Variants in MECOM observed in about 807,000 individuals in gnomAD.
The protein encoded by MECOM is MDS1 and EVI1 complex locus, also known as histone-lysine N-methyltransferase MECOM.
A neutral mutation model predicts 116.3 loss-of-function variants in MECOM; 13 were observed. That is an observed-to-expected ratio of 0.11 (90% CI 0.07 to 0.18). MECOM has a LOEUF of 0.18. MECOM is among the 10% of genes least tolerant of loss of function. The pLI, the probability that MECOM is intolerant of heterozygous loss-of-function variation, is 1.00. For synonymous variants in MECOM, 528 were observed against 535.2 expected (o/e 0.99, Z 0.19); for missense variants, 1,299 against 1,509.0 (o/e 0.86, Z 2.31).
At chr3:169,147,659 G>C (rs1740312663) in intron 2 of MECOM, 1 of 984,976 alleles carries the variant, frequency 1.0e-6, no homozygotes. Flanking sequence ...TCGCCAGGCA[G>C]GATTTCTTTC....
chr3:169,130,368 ACT>A (rs1312049686), intron 4 of MECOM, among the ~76,000 whole-genome samples: 1 of 151,980 alleles, frequency 6.6e-6, no homozygotes, highest in African/African-American at 2.4e-5. Flanking sequence ...TCAGGCTCAA[ACT>A]CTACCAGGCT....
chr3:169,535,137 G>A (rs1759194779), intron 1 of MECOM, among the ~76,000 whole-genome samples: 1 of 152,134 alleles, frequency 6.6e-6, no homozygotes, highest in Non-Finnish European at 1.5e-5. Flanking sequence ...GCCGCTGCCA[G>A]CCTGTACCTT....
chr3:169,128,745 C>T (rs1733714695), intron 4 of MECOM, among the ~76,000 whole-genome samples: 1 of 152,118 alleles, frequency 6.6e-6, no homozygotes, highest in Non-Finnish European at 1.5e-5. Flanking sequence ...ATTGTCATAG[C>T]TTTGTTAAAT....
At chr3:169,151,921 A>G (rs1474295566) in intron 2 of MECOM, among the ~76,000 whole-genome samples, 4 of 152,214 alleles carry the variant, frequency 2.6e-5, no homozygotes, top group Non-Finnish European at 5.9e-5. Flanking sequence ...CTTTTTATTT[A>G]ATAGAGTAAA....
intron 1 of MECOM, among the ~76,000 whole-genome samples, chr3:169,608,583 GC>G (rs1326187540): frequency 1.3e-5 from 2 of 152,060 alleles, no homozygotes; most frequent in African/African-American, 4.8e-5. Flanking sequence ...ATGTACCAGT[GC>G]CTGGCAAAAG....
intron 2 of MECOM, among the ~76,000 whole-genome samples, chr3:169,180,344 A>ATAGACACACACAAATACACG (rs1415096947): frequency 2.0e-5 from 3 of 152,172 alleles, no homozygotes; most frequent in African/African-American, 4.8e-5. Context: ...TAATATATAT[A>ATAGACACACACAAATACACG]TAGACACACA....
chr3:169,193,995 T>A (rs1409605501), intron 2 of MECOM, among the ~76,000 whole-genome samples: 1 of 152,030 alleles, frequency 6.6e-6, no homozygotes, highest in Non-Finnish European at 1.5e-5. Context: ...CAAATACTAA[T>A]ACTGTAATGA....
chr3:169,456,137 GA>G (rs992150760), intron 1 of MECOM, among the ~76,000 whole-genome samples: 2 of 151,622 alleles, frequency 1.3e-5, no homozygotes, highest in East Asian at 1.9e-4. Flanking sequence ...ATTCTGGGAA[GA>G]AAAAAAAATT....
chr3:169,263,129 GTT>G (rs1220362498), intron 2 of MECOM, among the ~76,000 whole-genome samples: 14 of 26,286 alleles, frequency 5.3e-4, no homozygotes, highest in African/African-American at 1.8e-3. Context: ...ATATATATAT[GTT>G]TTTTTTTTTT....
At chr3:169,625,695 C>T (rs2109929569) in intron 1 of MECOM, among the ~76,000 whole-genome samples, 1 of 152,314 alleles carries the variant, frequency 6.6e-6, no homozygotes, top group African/African-American at 2.4e-5. Flanking sequence ...TTCCAAAAGA[C>T]TCTAAATGTC....
chr3:169,119,148 A>C (rs187933707), intron 7 of MECOM, among the ~76,000 whole-genome samples: 15 of 152,330 alleles, frequency 9.8e-5, no homozygotes, highest in Non-Finnish European at 2.1e-4. Flanking sequence ...CTTTGGGCTC[A>C]AGCGTGGCAG....
At chr3:169,184,022 A>G (rs780336409) in intron 2 of MECOM, among the ~76,000 whole-genome samples, 8 of 150,366 alleles carry the variant, frequency 5.3e-5, no homozygotes, top group Admixed American at 6.6e-5. Context: ...CCGCCACCAC[A>G]CCCGGCTAAT....
chr3:169,633,880 A>G (rs1221127225), intron 1 of MECOM, among the ~76,000 whole-genome samples: 1 of 146,484 alleles, frequency 6.8e-6, no homozygotes, highest in Non-Finnish European at 1.5e-5. Context: ...AGAAAGAGAG[A>G]GGTAAACAGT....
At chr3:169,278,662 G>A (rs1412340649) in intron 2 of MECOM, among the ~76,000 whole-genome samples, 1 of 152,178 alleles carries the variant, frequency 6.6e-6, no homozygotes. Flanking sequence ...GATAACCAAT[G>A]TACTAGAATG....
intron 1 of MECOM, among the ~76,000 whole-genome samples, chr3:169,482,022 G>A (rs555627695): frequency 2.6e-5 from 4 of 152,230 alleles, no homozygotes; most frequent in African/African-American, 9.6e-5. Context: ...ATAGACTGGA[G>A]GGAATATGCT....
chr3:169,187,076 G>C (rs2149411127), intron 2 of MECOM, among the ~76,000 whole-genome samples: 1 of 152,248 alleles, frequency 6.6e-6, no homozygotes, highest in Admixed American at 6.5e-5. Flanking sequence ...GGTCTTAGAA[G>C]TCTGACTGTA....
intron 1 of MECOM, among the ~76,000 whole-genome samples, chr3:169,659,375 T>C (rs1775952031): frequency 6.8e-6 from 1 of 147,948 alleles, no homozygotes. Context: ...AATGAACCGT[T>C]CCCTTCCACA....
At chr3:169,242,956 A>C (rs948238101) in intron 2 of MECOM, among the ~76,000 whole-genome samples, 13 of 151,704 alleles carry the variant, frequency 8.6e-5, no homozygotes, top group South Asian at 2.1e-4. Context: ...AATTAAATCT[A>C]AATATAGCTC....
intron 2 of MECOM, among the ~76,000 whole-genome samples, chr3:169,226,613 C>T (rs1053878118): frequency 1.2e-4 from 19 of 152,144 alleles, no homozygotes; most frequent in African/African-American, 4.3e-4. Context: ...AAACCAACAC[C>T]ATAACACGGA....
Sources: gnomAD v4.1 joint callset for allele counts (sites outside exome capture counted in the v4.1 genomes callset) on GRCh38, gnomAD v4.1.1 for gene constraint, MANE v1.5 for transcripts, NCBI Gene and HGNC (gene_info 2026-07-23, HGNC 2026-07-21) for gene names.